SAMTOR: variants seen among roughly 807,000 people sequenced by gnomAD.
SAMTOR encodes S-adenosylmethionine sensor upstream of mTORC1, also known as UPF0532 protein C7orf60.
At chr7:112,915,277 C>T in the SAMTOR span, 1 of 1,570,186 alleles carries the variant, frequency 6.4e-7, no homozygotes, top group Non-Finnish European at 8.6e-7. Flanking sequence ...CATTTGAAAC[C>T]AAAAACGTTA....
the SAMTOR span, among the ~76,000 whole-genome samples, chr7:112,920,291 C>G: frequency 6.6e-6 from 1 of 152,122 alleles, no homozygotes; most frequent in Non-Finnish European, 1.5e-5. Flanking sequence ...AAGGCTGGTT[C>G]AATACACGCA....
At chr7:112,847,936 C>G in the SAMTOR span, among the ~76,000 whole-genome samples, 1 of 152,140 alleles carries the variant, frequency 6.6e-6, no homozygotes, top group South Asian at 2.1e-4. Context: ...ACCAGAAGTT[C>G]AAGACCAGCA....
chr7:112,905,837 C>A, the SAMTOR span, among the ~76,000 whole-genome samples: 1 of 151,936 alleles, frequency 6.6e-6, no homozygotes, highest in Non-Finnish European at 1.5e-5. Flanking sequence ...TGAAAATACA[C>A]CACATACATT....
At chr7:112,868,575 C>T in the SAMTOR span, among the ~76,000 whole-genome samples, 31 of 152,038 alleles carry the variant, frequency 2.0e-4, no homozygotes, top group Non-Finnish European at 4.4e-4. Context: ...GGGAAAGACA[C>T]CAGGAAGCTG....
chr7:112,864,867 G>A, the SAMTOR span, among the ~76,000 whole-genome samples: 70 of 152,272 alleles, frequency 4.6e-4, no homozygotes, highest in South Asian at 7.7e-3. Flanking sequence ...TGATCCTCCC[G>A]CCTCAGTCTC....
At chr7:112,842,156 T>C in the SAMTOR span, among the ~76,000 whole-genome samples, 5 of 152,104 alleles carry the variant, frequency 3.3e-5, no homozygotes, top group African/African-American at 1.2e-4. Context: ...AGAAGTCTCT[T>C]TGCTGTGTCA....
At chr7:112,831,761 C>A in the SAMTOR span, among the ~76,000 whole-genome samples, 1 of 152,148 alleles carries the variant, frequency 6.6e-6, no homozygotes, top group African/African-American at 2.4e-5. Context: ...TAGTATCTAT[C>A]ATTTATTGAG....
the SAMTOR span, among the ~76,000 whole-genome samples, chr7:112,889,830 G>C: frequency 6.6e-6 from 1 of 152,152 alleles, no homozygotes; most frequent in Non-Finnish European, 1.5e-5. Flanking sequence ...TGCTTAGCTA[G>C]TATGAAACTT....
chr7:112,860,080 T>C, the SAMTOR span, among the ~76,000 whole-genome samples: 1 of 152,208 alleles, frequency 6.6e-6, no homozygotes, highest in Non-Finnish European at 1.5e-5. Flanking sequence ...CATATTTCTA[T>C]GGTGCCTTTT....
chr7:112,939,441 C>A, the SAMTOR span: 4 of 1,264,828 alleles, frequency 3.2e-6, no homozygotes, highest in Admixed American at 7.2e-5. Context: ...GACTAGGGGG[C>A]TCAGACCAGG....
At chr7:112,824,554 G>T in the SAMTOR span, among the ~76,000 whole-genome samples, 91 of 152,018 alleles carry the variant, frequency 6.0e-4, no homozygotes, top group Admixed American at 1.4e-3. Flanking sequence ...GTAGAGACAG[G>T]GTTTCACCAT....
chr7:112,883,744 C>T, the SAMTOR span, among the ~76,000 whole-genome samples: 4 of 152,208 alleles, frequency 2.6e-5, no homozygotes, highest in Admixed American at 2.0e-4. Context: ...TGCCATACTT[C>T]TGCCATGGCA....
the SAMTOR span, among the ~76,000 whole-genome samples, chr7:112,841,212 T>C: frequency 2.6e-5 from 4 of 152,154 alleles, no homozygotes. Context: ...CTCCTTAAGC[T>C]GATAAGCAAC....
At chr7:112,901,181 A>G in the SAMTOR span, among the ~76,000 whole-genome samples, 1 of 152,254 alleles carries the variant, frequency 6.6e-6, no homozygotes, top group East Asian at 1.9e-4. Context: ...GTGACCTGTT[A>G]GGAACTGGGC....
At chr7:112,868,774 G>A in the SAMTOR span, among the ~76,000 whole-genome samples, 2 of 152,196 alleles carry the variant, frequency 1.3e-5, no homozygotes, top group African/African-American at 4.8e-5. Context: ...CAGTGAGTGT[G>A]GAGAGTGCCC....
At chr7:112,921,966 TCTCCC>T in the SAMTOR span, among the ~76,000 whole-genome samples, 5 of 125,964 alleles carry the variant, frequency 4.0e-5, no homozygotes, top group African/African-American at 1.0e-4. Context: ...TCCCTCTCCC[TCTCCC>T]GCTCCCGCTC....
the SAMTOR span, among the ~76,000 whole-genome samples, chr7:112,905,901 T>G: frequency 7.9e-5 from 12 of 151,980 alleles, no homozygotes. Context: ...AAAGATTTAG[T>G]CAAATGAATA....
chr7:112,850,373 T>C, the SAMTOR span, among the ~76,000 whole-genome samples: 1 of 152,220 alleles, frequency 6.6e-6, no homozygotes, highest in Non-Finnish European at 1.5e-5. Context: ...TTTTTGTGTG[T>C]GTTCTTGCCT....
At chr7:112,869,384 C>T in the SAMTOR span, among the ~76,000 whole-genome samples, 1 of 151,926 alleles carries the variant, frequency 6.6e-6, no homozygotes, top group African/African-American at 2.4e-5. Context: ...ATCTACTGGA[C>T]GGCAGCCTGA....
Sources: gnomAD v4.1 joint callset for allele counts (sites outside exome capture counted in the v4.1 genomes callset) on GRCh38, gnomAD v4.1.1 for gene constraint, MANE v1.5 for transcripts, NCBI Gene and HGNC (gene_info 2026-07-23, HGNC 2026-07-21) for gene names.